The following LRRC4C variants were observed in gnomAD, a reference collection of about 807,000 sequenced individuals.
The protein encoded by LRRC4C is leucine rich repeat containing 4C.
LRRC4C carries 5 observed loss-of-function variants against 33.6 expected under a neutral mutation model. The ratio of observed to expected loss-of-function variants is 0.15; its 90% CI spans 0.08 to 0.31. The LOEUF is 0.31. Among genes scored for constraint, LRRC4C ranks in the 10% least tolerant of loss-of-function variants. The pLI, the probability that LRRC4C is intolerant of heterozygous loss-of-function variation, is 1.00. For synonymous variants in LRRC4C, 329 were observed against 302.0 expected (o/e 1.09, Z -0.93); for missense variants, 560 against 796.7 (o/e 0.70, Z 3.58).
chr11:41,295,247 G>C (rs1291445429), intron 1 of LRRC4C, among the ~76,000 whole-genome samples: 1 of 152,022 alleles, frequency 6.6e-6, no homozygotes, highest in African/African-American at 2.4e-5. Context: ...CAGAAATATA[G>C]TTATAAATAT....
intron 4 of LRRC4C, among the ~76,000 whole-genome samples, chr11:40,296,118 T>C (rs1197276637): frequency 1.3e-5 from 2 of 152,192 alleles, no homozygotes; most frequent in Non-Finnish European, 2.9e-5. Context: ...TCAGAATGAA[T>C]TAATCTATTA....
chr11:40,553,417 AGCTATC>A (rs1460465932), intron 3 of LRRC4C, among the ~76,000 whole-genome samples: 1 of 152,236 alleles, frequency 6.6e-6, no homozygotes, highest in African/African-American at 2.4e-5. Context: ...AATTTAAAAT[AGCTATC>A]TAGATTATTG....
chr11:40,911,852 G>C lies in LRRC4C; in HGVS notation c.-407+21783C>G, dbSNP rs911216896. On this transcript the variant is annotated intron_variant, in intron 2 of 6. Transcript: ENST00000528697. ...TAACCAATGCAGAGAAGTCCTTCAA[G>C]GACCTGATGGAGCTGAAAACCACGG... is the stretch of plus-strand genomic sequence containing the variant. Among the ~76,000 whole-genome samples the C allele has an allele frequency of 2.0e-5, 3 of 152,178 alleles. No individual in the cohort carries two copies. In the East Asian group the frequency reaches 5.8e-4, roughly 29 times the overall value.
At chr11:40,584,706 T>C (rs922753527) in intron 3 of LRRC4C, among the ~76,000 whole-genome samples, 1 of 150,964 alleles carries the variant, frequency 6.6e-6, no homozygotes, top group Non-Finnish European at 1.5e-5. Flanking sequence ...CCGAGGCGGG[T>C]GGATCAGCTG....
chr11:40,199,742 T>C (rs1862551141), intron 5 of LRRC4C, among the ~76,000 whole-genome samples: 1 of 152,194 alleles, frequency 6.6e-6, no homozygotes, highest in Non-Finnish European at 1.5e-5. Flanking sequence ...TTATTAATTT[T>C]GCTTTCCAAC....
rs1419190055 is a variant in LRRC4C at position 40,925,473 on chromosome 11, C to A, written c.-407+8162G>T. ...GGAGAAAGAACAATGGGCTTGTTAA[C>A]CTGCAAAAGTTGGTTAACCTGCAAC... On this transcript the variant is annotated intron_variant, in intron 2 of 6. Transcript: ENST00000528697. Among the ~76,000 whole-genome samples, 3 of 152,136 alleles carry A rather than the reference C, an allele frequency of 2.0e-5. No individual in the cohort carries two copies. In the East Asian group the frequency reaches 5.8e-4, roughly 29 times the overall value.
At chr11:40,509,686 T>C (rs889174899) in intron 3 of LRRC4C, among the ~76,000 whole-genome samples, 1 of 152,082 alleles carries the variant, frequency 6.6e-6, no homozygotes, top group Non-Finnish European at 1.5e-5. Flanking sequence ...GCATTTTTTA[T>C]AAAAAAGGGA....
chr11:40,924,090 G>T (rs949595395), intron 2 of LRRC4C, among the ~76,000 whole-genome samples: 1 of 144,194 alleles, frequency 6.9e-6, no homozygotes, highest in African/African-American at 2.5e-5. Flanking sequence ...GTATATATGT[G>T]TGTGTGTGTA....
chr11:40,953,093 G>A (rs1592175484), intron 1 of LRRC4C, among the ~76,000 whole-genome samples: 1 of 151,886 alleles, frequency 6.6e-6, no homozygotes, highest in Non-Finnish European at 1.5e-5. Flanking sequence ...GCTCTAAAAT[G>A]TTTCTTCCTT....
rs148490162 is a variant in LRRC4C at position 40,934,133 on chromosome 11, T to A, written c.-495-410A>T. On this transcript the variant is annotated intron_variant, in intron 1 of 6. Transcript: ENST00000528697. ...CATACTGTGCCTTTTCATGCCTCTATACCATTTTCCTTCTATCTTATTCAC... is the reference window on the plus strand; with the variant it reads ...CATACTGTGCCTTTTCATGCCTCTAAACCATTTTCCTTCTATCTTATTCAC... Among the ~76,000 whole-genome samples, 336 of 152,344 alleles carry A rather than the reference T, an allele frequency of 2.2e-3. 3 individuals carry two copies. Among genetic ancestry groups the A allele is most frequent in the African/African-American group, 7.4e-3 (306 of 41,584 alleles).
chr11:40,734,439 C>A (rs1947754234), intron 2 of LRRC4C, among the ~76,000 whole-genome samples: 1 of 152,144 alleles, frequency 6.6e-6, no homozygotes, highest in African/African-American at 2.4e-5. Context: ...CAGAGACAAT[C>A]AACAACAATA....
chr11:40,861,554 G>A (rs1954102009), intron 2 of LRRC4C, among the ~76,000 whole-genome samples: 1 of 152,162 alleles, frequency 6.6e-6, no homozygotes, highest in Non-Finnish European at 1.5e-5. Flanking sequence ...AGTAAGATCA[G>A]GAGTGTGGCC....
intron 1 of LRRC4C, among the ~76,000 whole-genome samples, chr11:41,167,601 C>T (rs1168079354): frequency 3.3e-5 from 5 of 152,172 alleles, no homozygotes; most frequent in African/African-American, 1.2e-4. Flanking sequence ...ACTGGAAACA[C>T]TTTTCTTGCA....
chr11:41,405,222 C>T (rs1051706957), intron 1 of LRRC4C, among the ~76,000 whole-genome samples: 4 of 152,076 alleles, frequency 2.6e-5, no homozygotes, highest in East Asian at 1.9e-4. Flanking sequence ...TTTATCACTG[C>T]TCTTGTAAGT....
At chr11:40,633,352 T>TCTTC (rs1565580885) in intron 3 of LRRC4C, among the ~76,000 whole-genome samples, 17 of 39,716 alleles carry the variant, frequency 4.3e-4, no homozygotes, top group Admixed American at 2.1e-3. Context: ...TTTCTTTCTT[T>TCTTC]CTTTCTTTCT....
intron 2 of LRRC4C, among the ~76,000 whole-genome samples, chr11:40,737,294 C>A (rs937558884): frequency 6.6e-6 from 1 of 152,134 alleles, no homozygotes; most frequent in Non-Finnish European, 1.5e-5. Context: ...GAAGCATTCC[C>A]TTTGAAAACT....
At chr11:40,431,576 T>C (rs1440126649) in intron 3 of LRRC4C, among the ~76,000 whole-genome samples, 2 of 152,092 alleles carry the variant, frequency 1.3e-5, no homozygotes, top group Admixed American at 6.6e-5. Flanking sequence ...CTCTCCTTTC[T>C]TTCCTTTTTC....
intron 1 of LRRC4C, among the ~76,000 whole-genome samples, chr11:41,158,608 A>T (rs918155506): frequency 1.3e-5 from 2 of 152,142 alleles, no homozygotes; most frequent in Admixed American, 6.6e-5. Flanking sequence ...TGGGAGGAGA[A>T]GGATATGGCG....
At chr11:41,086,341 A>G (rs1194362371) in intron 1 of LRRC4C, among the ~76,000 whole-genome samples, 1 of 152,100 alleles carries the variant, frequency 6.6e-6, no homozygotes, top group African/African-American at 2.4e-5. Context: ...TATATATTGT[A>G]TTATATATTG....
Sources: gnomAD v4.1 joint callset for allele counts (sites outside exome capture counted in the v4.1 genomes callset) on GRCh38, gnomAD v4.1.1 for gene constraint, MANE v1.5 for transcripts, NCBI Gene and HGNC (gene_info 2026-07-23, HGNC 2026-07-21) for gene names.